Variants in LRRC37A2 observed in about 807,000 individuals in gnomAD.
LRRC37A2 encodes the protein leucine-rich repeat-containing protein 37A2.
Under a neutral mutation model 68.8 loss-of-function variants are expected in LRRC37A2, and 9 were observed. That is an observed-to-expected ratio of 0.13 (90% CI 0.08 to 0.23). The LOEUF (loss-of-function observed/expected upper bound fraction) is 0.23, where lower values mean the gene tolerates loss of function less well. Among genes scored for constraint, LRRC37A2 ranks in the 10% least tolerant of loss-of-function variants. The probability of loss-of-function intolerance (pLI) is 1.00; values close to 1 mark genes in which losing one functional copy is unlikely to be tolerated. For missense variants in LRRC37A2, 168 were observed against 950.4 expected (o/e 0.18, Z 10.82); for synonymous variants, 63 against 367.6 (o/e 0.17, Z 9.48).
chr17:47,033,335 G>A, the LRRC37A2 span: 2 of 700,416 alleles, frequency 2.9e-6, no homozygotes, highest in East Asian at 5.4e-5. Flanking sequence ...GCAGTCCGAG[G>A]TCTTGTATGG....
chr17:46,775,453 CA>C, the LRRC37A2 span, among the ~76,000 whole-genome samples: 1 of 152,078 alleles, frequency 6.6e-6, no homozygotes, highest in South Asian at 2.1e-4. Flanking sequence ...GCTCAGTTGT[CA>C]GGGGGAGAGG....
At chr17:46,849,230 C>G in the LRRC37A2 span, among the ~76,000 whole-genome samples, 1 of 152,266 alleles carries the variant, frequency 6.6e-6, no homozygotes, top group Non-Finnish European at 1.5e-5. Context: ...CCACTGATGT[C>G]TCCATCGAGT....
At chr17:46,405,008 G>A in the LRRC37A2 span, among the ~76,000 whole-genome samples, 1 of 89,796 alleles carries the variant, frequency 1.1e-5, no homozygotes, top group Non-Finnish European at 2.7e-5. Context: ...TTCGAGACCA[G>A]CCTGGGCAAC....
the LRRC37A2 span, among the ~76,000 whole-genome samples, chr17:46,719,636 C>T: frequency 3.9e-5 from 6 of 152,144 alleles, no homozygotes; most frequent in South Asian, 2.1e-4. The surrounding 1 kb of genome is among the most constrained non-coding windows in gnomAD (Gnocchi z 4.3). Flanking sequence ...CCCTATTTTA[C>T]GTTTGCTTCC....
chr17:46,891,990 G>C, the LRRC37A2 span, among the ~76,000 whole-genome samples: 339 of 142,038 alleles, frequency 2.4e-3, 3 homozygotes, highest in Admixed American at 0.019. Context: ...TGTGATCTCA[G>C]CTCAGTGCAA....
the LRRC37A2 span, chr17:46,769,645 A>C: frequency 4.4e-6 from 5 of 1,144,308 alleles, no homozygotes; most frequent in Non-Finnish European, 6.2e-6. Flanking sequence ...GGTGGGGAGG[A>C]GGCCAAGCCT....
chr17:47,026,952 C>A, the LRRC37A2 span, among the ~76,000 whole-genome samples: 1 of 151,998 alleles, frequency 6.6e-6, no homozygotes, highest in African/African-American at 2.4e-5. Context: ...GCTCTGTCGC[C>A]CAGGCTGGAG....
At chr17:46,946,724 A>G in the LRRC37A2 span, among the ~76,000 whole-genome samples, 2 of 151,138 alleles carry the variant, frequency 1.3e-5, no homozygotes, top group Admixed American at 1.3e-4. Context: ...CTAGCCAGGC[A>G]AGTTGGTGTG....
the LRRC37A2 span, among the ~76,000 whole-genome samples, chr17:47,023,501 C>T: frequency 1.3e-5 from 2 of 152,042 alleles, no homozygotes; most frequent in African/African-American, 4.8e-5. Flanking sequence ...GCCGATAGGG[C>T]GAAACCCCAT....
the LRRC37A2 span, chr17:46,770,086 G>C: frequency 6.6e-7 from 1 of 1,508,784 alleles, no homozygotes; most frequent in Non-Finnish European, 8.8e-7. Flanking sequence ...CTCAGGACCC[G>C]GCCTGGGAGC....
At chr17:46,711,201 A>G in the LRRC37A2 span, 1 of 1,282,214 alleles carries the variant, frequency 7.8e-7, no homozygotes, top group Non-Finnish European at 1.0e-6. Context: ...ACATTCTAGA[A>G]AAGTGAATTC....
chr17:46,736,624 A>G, the LRRC37A2 span, among the ~76,000 whole-genome samples: 1 of 152,230 alleles, frequency 6.6e-6, no homozygotes, highest in South Asian at 2.1e-4. Context: ...AGGAAAAAAT[A>G]AAAAATGTGT....
chr17:46,844,120 A>AT, the LRRC37A2 span, among the ~76,000 whole-genome samples: 24 of 149,138 alleles, frequency 1.6e-4, no homozygotes, highest in African/African-American at 3.7e-4. Flanking sequence ...TGCCTGGCTA[A>AT]TTTTTTTTTT....
chr17:46,902,781 G>C, the LRRC37A2 span, among the ~76,000 whole-genome samples: 1 of 152,156 alleles, frequency 6.6e-6, no homozygotes, highest in African/African-American at 2.4e-5. Flanking sequence ...GATAGAGAGA[G>C]CCCTGGTTTT....
the LRRC37A2 span, among the ~76,000 whole-genome samples, chr17:46,974,326 C>G: frequency 7.9e-5 from 12 of 152,310 alleles, no homozygotes; most frequent in East Asian, 2.3e-3. Flanking sequence ...CAATAGACAC[C>G]GGTGGAATGA....
chr17:47,027,215 AT>A, the LRRC37A2 span, among the ~76,000 whole-genome samples: 3 of 151,644 alleles, frequency 2.0e-5, no homozygotes, highest in Admixed American at 1.3e-4. Context: ...CGGCCCGACT[AT>A]TTTTTTTAAT....
At chr17:47,048,391 G>C in the LRRC37A2 span, among the ~76,000 whole-genome samples, 1 of 150,230 alleles carries the variant, frequency 6.7e-6, no homozygotes, top group South Asian at 2.1e-4. Context: ...TGAAAGCAAA[G>C]TAGGCATCTG....
At chr17:47,012,308 A>G in the LRRC37A2 span, among the ~76,000 whole-genome samples, 1 of 152,314 alleles carries the variant, frequency 6.6e-6, no homozygotes, top group East Asian at 1.9e-4. Flanking sequence ...GTCCCAGATT[A>G]CCTTGGAAAC....
the LRRC37A2 span, among the ~76,000 whole-genome samples, chr17:46,905,883 T>A: frequency 2.0e-4 from 30 of 151,618 alleles, no homozygotes; most frequent in African/African-American, 7.3e-4. Flanking sequence ...CAGACCAGGG[T>A]CCTCAAAGGG....
Sources: gnomAD v4.1 joint callset for allele counts (sites outside exome capture counted in the v4.1 genomes callset) on GRCh38, gnomAD v4.1.1 for gene constraint, Gnocchi (gnomAD v3.1) non-coding constraint, MANE v1.5 for transcripts, NCBI Gene and HGNC (gene_info 2026-07-23, HGNC 2026-07-21) for gene names.